C16orf96: variants seen among roughly 807,000 people sequenced by gnomAD.
The protein encoded by C16orf96 is uncharacterized protein C16orf96.
A neutral mutation model predicts 103.6 loss-of-function variants in C16orf96; 108 were observed. The ratio of observed to expected loss-of-function variants is 1.04; its 90% CI spans 0.89 to 1.22. C16orf96 has a LOEUF of 1.22. Ranked by LOEUF, C16orf96 falls within the 50% of genes most tolerant of loss-of-function variation. The pLI, the probability that C16orf96 is intolerant of heterozygous loss-of-function variation, is 0.00. For synonymous variants in C16orf96, 566 were observed against 593.5 expected (o/e 0.95, Z 0.67); for missense variants, 1,586 against 1,464.2 (o/e 1.08, Z -1.36).
chr16:4,565,163 G>T (rs2059373982), intron 1 of C16orf96, among the ~76,000 whole-genome samples: 1 of 152,076 alleles, frequency 6.6e-6, no homozygotes, highest in African/African-American at 2.4e-5. Context: ...CATCCTTAAA[G>T]CCCTCTTGAG....
chr16:4,576,582 AG>A lies in C16orf96; in HGVS notation c.2104del (p.Glu702LysfsTer10), dbSNP rs1567447298. On this transcript the variant is annotated frameshift_variant, in exon 5 of 16. Coordinates refer to ENST00000444310, the MANE Select transcript of C16orf96 (RefSeq NM_001145011.2). LOFTEE classifies it high-confidence loss of function. ...AQIPVKHDSLKEEFAQLSCNL... is the reference protein window; with the variant it reads ...AQIPVKHDSLXEEFAQLSCNL... The stretch of plus-strand genomic sequence containing the variant: ...ATACCTGTCAAACACGACTCTCTGA[AG>A]GAAGAATTTGCCCAGCTGTCCTGTA... 1.3e-6 allele frequency: 2 copies of A among 1,551,628 alleles called. No individual in the cohort carries two copies. Among genetic ancestry groups the A allele is most frequent in the East Asian group, 2.4e-5 (1 of 40,918 alleles).
At chr16:4,561,423 C>T (rs1019545414) in intron 1 of C16orf96, 1 of 152,230 alleles carries the variant, frequency 6.6e-6, no homozygotes, top group African/African-American at 2.4e-5. Flanking sequence ...ACAGGGCTGC[C>T]TGGGGTGGCT....
intron 6 of C16orf96, among the ~76,000 whole-genome samples, 155 bp from the exon 7 acceptor site, chr16:4,579,860 C>T (rs1015249971): frequency 1.3e-5 from 2 of 152,146 alleles, no homozygotes; most frequent in Non-Finnish European, 2.9e-5. Flanking sequence ...ATCTACCCAT[C>T]TTGGCCTCCC....
chr16:4,552,539 G>A (rs946241689), upstream of C16orf96, among the ~76,000 whole-genome samples: 1 of 150,866 alleles, frequency 6.6e-6, no homozygotes, highest in African/African-American at 2.4e-5. Context: ...ACTATTACAT[G>A]TAGTTGTCTT....
At chr16:4,552,023 T>C (rs2059230965), upstream of C16orf96, among the ~76,000 whole-genome samples, 1 of 152,154 alleles carries the variant, frequency 6.6e-6, no homozygotes, top group Non-Finnish European at 1.5e-5. Context: ...TTTGGTTTTC[T>C]TTTCCTGTGT....
At chr16:4,549,005 T>G in the C16orf96 span, among the ~76,000 whole-genome samples, 5 of 152,120 alleles carry the variant, frequency 3.3e-5, no homozygotes, top group African/African-American at 9.7e-5. Flanking sequence ...GTCTTGCAGT[T>G]TGCATTACAG....
chr16:4,575,362 TGCCCAA>T lies in C16orf96; in HGVS notation c.885_890del (p.Gln296_Ala297del). 6.4e-7 allele frequency: 1 copy of T among 1,551,170 alleles called. No individual in the cohort carries two copies. The highest frequency in any genetic ancestry group is 8.7e-7 in the Non-Finnish European group (1 of 1,146,996). Reference sequence around the variant, plus strand: ...CAGAGCTCCTCCCGGAGGGCTCATCTGCCCAAGCAGTTTCACTCAGCAGAGCCCAGG... The same window carrying T: ...CAGAGCTCCTCCCGGAGGGCTCATCTGCAGTTTCACTCAGCAGAGCCCAGG... On this transcript the variant is annotated inframe_deletion, in exon 5 of 16. Coordinates refer to ENST00000444310, the MANE Select transcript of C16orf96 (RefSeq NM_001145011.2).
At chr16:4,568,629 A>ATTTT (rs34974380) in intron 1 of C16orf96, among the ~76,000 whole-genome samples, 5 of 125,566 alleles carry the variant, frequency 4.0e-5, no homozygotes, top group Non-Finnish European at 6.5e-5. Flanking sequence ...TTTCTTTTTA[A>ATTTT]TTTTTTTTTT....
At chr16:4,557,733 A>G (rs1019743508) in intron 1 of C16orf96, among the ~76,000 whole-genome samples, 6 of 152,076 alleles carry the variant, frequency 3.9e-5, no homozygotes, top group African/African-American at 9.7e-5. Context: ...GCAGTGACTC[A>G]GTCATGGCTC....
At chr16:4,581,307 C>T (rs1050254545) in intron 7 of C16orf96, among the ~76,000 whole-genome samples, 2 of 149,360 alleles carry the variant, frequency 1.3e-5, no homozygotes, top group African/African-American at 4.9e-5. Flanking sequence ...TGCATTCCAG[C>T]CTGGGCAACA....
In C16orf96 at chr16:4,556,564, C is replaced by T. The variant is rs2141685951; in HGVS notation, c.75C>T (p.Ala25=). The T allele has an allele frequency of 6.4e-7, 1 of 1,551,628 alleles. No homozygotes were observed. Among genetic ancestry groups the T allele is most frequent in the Non-Finnish European group, 8.7e-7 (1 of 1,146,984 alleles). ...AGTGCGGGGTGCTGAACTTCAAGGC[C>T]CTGCACCTCCTGCTGCACGGCATCT... ...IPQCGVLNFK[A]LHLLLHGILE... is the part of the protein sequence containing the mutation. Residue 25 remains alanine, a synonymous_variant, in exon 1 of 16, where the codon GCC becomes GCT. Coordinates refer to ENST00000444310, the MANE Select transcript of C16orf96 (RefSeq NM_001145011.2).
intron 5 of C16orf96, among the ~76,000 whole-genome samples, chr16:4,577,725 G>A (rs529658297): frequency 6.6e-6 from 1 of 152,314 alleles, no homozygotes; most frequent in Non-Finnish European, 1.5e-5. Flanking sequence ...GGAGGATGAG[G>A]CAGGTGGATC....
chr16:4,539,497 A>T, the C16orf96 span, among the ~76,000 whole-genome samples: 8 of 152,212 alleles, frequency 5.3e-5, no homozygotes, highest in Admixed American at 2.0e-4. Flanking sequence ...CAGCCTGGCC[A>T]ACATGGTGAA....
intron 5 of C16orf96, among the ~76,000 whole-genome samples, chr16:4,577,826 C>T (rs1312471511): frequency 3.9e-5 from 6 of 151,928 alleles, no homozygotes; most frequent in Admixed American, 2.0e-4. Flanking sequence ...CTTGATAGTG[C>T]GCGCCTGTAA....
At chr16:4,574,864 T>A in intron 3 of C16orf96, 75 bp downstream of exon 3, 1 of 1,524,172 alleles carries the variant, frequency 6.6e-7, no homozygotes, top group South Asian at 1.2e-5. Context: ...GTGCTGAGGG[T>A]AGGGAGGTGC....
chr16:4,564,070 G>T (rs1250104106), intron 1 of C16orf96, among the ~76,000 whole-genome samples: 1 of 151,868 alleles, frequency 6.6e-6, no homozygotes, highest in African/African-American at 2.4e-5. Flanking sequence ...TCGGGAGGCT[G>T]AGACAAGAGA....
At chr16:4,599,444 C>G in intron 15 of C16orf96, 80 bp downstream of exon 15, 1 of 1,257,794 alleles carries the variant, frequency 8.0e-7, no homozygotes, top group Non-Finnish European at 1.1e-6. Flanking sequence ...TCCCATCCCC[C>G]ACACCCCGCC....
At chr16:4,579,110 A>G in intron 6 of C16orf96, 85 bp downstream of exon 6, 3 of 1,233,660 alleles carry the variant, frequency 2.4e-6, no homozygotes, top group Non-Finnish European at 3.5e-6. Flanking sequence ...CCCCCCTCCC[A>G]GGTGCAGCTG....
chr16:4,594,321 G>C (rs1433876345), intron 12 of C16orf96, 30 bp from the exon 13 acceptor site: 1 of 1,547,020 alleles, frequency 6.5e-7, no homozygotes, highest in East Asian at 2.5e-5. Context: ...AGGGTCTCCA[G>C]GTCGCTGCTG....
Sources: gnomAD v4.1 joint callset for allele counts (sites outside exome capture counted in the v4.1 genomes callset) on GRCh38, gnomAD v4.1.1 for gene constraint, MANE v1.5 for transcripts, NCBI Gene and HGNC (gene_info 2026-07-23, HGNC 2026-07-21) for gene names.